Variants in TRABD2A observed in about 807,000 individuals in gnomAD.
The protein encoded by TRABD2A is TraB domain containing 2A, also known as metalloprotease TIKI1.
A neutral mutation model predicts 45.6 loss-of-function variants in TRABD2A; 43 were observed. The observed-to-expected ratio is 0.94, with a 90% CI of 0.74 to 1.22. The LOEUF is 1.22. Among genes scored for constraint, TRABD2A ranks in the 50% most tolerant of loss-of-function variants. TRABD2A has a pLI of 0.00. For missense variants in TRABD2A, 642 were observed against 652.4 expected, an observed-to-expected ratio of 0.98 and a Z score of 0.17; for synonymous variants, 269 against 265.0, an observed-to-expected ratio of 1.02 and a Z score of -0.15.
intron 2 of TRABD2A, among the ~76,000 whole-genome samples, chr2:84,855,549 A>T (rs1455270710): frequency 2.0e-5 from 3 of 152,028 alleles, no homozygotes; most frequent in African/African-American, 7.3e-5. Flanking sequence ...CTGCCTTCTG[A>T]ACGTTGTGCT....
At chr2:84,856,558 T>A (rs974873478) in intron 2 of TRABD2A, among the ~76,000 whole-genome samples, 3 of 152,120 alleles carry the variant, frequency 2.0e-5, no homozygotes, top group Non-Finnish European at 2.9e-5. Flanking sequence ...AAGGACGAGA[T>A]AAACTGATCT....
intron 2 of TRABD2A, among the ~76,000 whole-genome samples, chr2:84,867,154 A>G (rs1009987331): frequency 1.2e-4 from 14 of 113,732 alleles, no homozygotes; most frequent in Non-Finnish European, 2.5e-4. Flanking sequence ...AAGTTACATG[A>G]AAAAAAGACT....
chr2:84,876,199 T>G (rs2105414780), intron 1 of TRABD2A, among the ~76,000 whole-genome samples: 1 of 152,248 alleles, frequency 6.6e-6, no homozygotes, highest in East Asian at 1.9e-4. Flanking sequence ...GTCTGGAGCT[T>G]GGGAGAGGCC....
chr2:84,823,860 G>A lies in TRABD2A; in HGVS notation c.1334+93C>T, dbSNP rs1176304119. 9 of 1,521,074 alleles carry A rather than the reference G, an allele frequency of 5.9e-6. No individual in the cohort carries two copies. The South Asian group carries it at 7.4e-5, about 13-fold the overall frequency. 94.2% of individuals were successfully genotyped at this position (1,521,074 alleles called of 1,614,324 possible). On this transcript the variant is annotated intron_variant, in intron 6 of 6. Coordinates refer to ENST00000409520, the MANE Select transcript of TRABD2A (RefSeq NM_001277053.2). ...GAAAGGGAAAGGTTGCTCCATGAGG[G>A]GGGCTCCCATTGCAACCAGTGTGAG...
intron 1 of TRABD2A, among the ~76,000 whole-genome samples, chr2:84,879,012 G>C (rs1683119580): frequency 6.6e-6 from 1 of 152,128 alleles, no homozygotes; most frequent in Non-Finnish European, 1.5e-5. Context: ...ATAAAACTAA[G>C]ATATTTTCCT....
intron 1 of TRABD2A, among the ~76,000 whole-genome samples, chr2:84,878,260 C>A (rs993212061): frequency 6.6e-6 from 1 of 152,194 alleles, no homozygotes; most frequent in Non-Finnish European, 1.5e-5. Flanking sequence ...GACACGGTGG[C>A]TCACGCCTAT....
intron 2 of TRABD2A, among the ~76,000 whole-genome samples, chr2:84,866,955 G>A (rs1233546508): frequency 6.6e-6 from 1 of 152,006 alleles, no homozygotes; most frequent in Non-Finnish European, 1.5e-5. Flanking sequence ...CGTGGTGGCG[G>A]GTGCCTGTAA....
chr2:84,839,384 C>T, intron 3 of TRABD2A, 61 bp from the exon 4 acceptor site: 3 of 1,476,092 alleles, frequency 2.0e-6, no homozygotes, highest in Non-Finnish European at 2.7e-6. Flanking sequence ...AAAGTTACTT[C>T]ATTGGAGCAT....
chr2:84,863,768 C>T (rs1653563867), intron 2 of TRABD2A, among the ~76,000 whole-genome samples: 1 of 151,900 alleles, frequency 6.6e-6, no homozygotes, highest in South Asian at 2.1e-4. Context: ...CCCGCCACCA[C>T]ACCTGGCTAA....
Position 84,827,853 on chromosome 2 carries a change from T to C in TRABD2A, c.1083-3649A>G, listed in dbSNP as rs1211889845. On this transcript the variant is annotated intron_variant, in intron 5 of 6. Transcript: ENST00000409520. ...ATGGAAGGCTCCACAAGTCAAGGAA[T>C]GTGGGCAGCCTCTAGAAGCTGGGAA... 2.0e-5 allele frequency among the ~76,000 whole-genome samples: 3 copies of C among 152,298 alleles called. No individual in the cohort carries two copies. In the East Asian group the frequency reaches 5.8e-4, roughly 29 times the overall value.
intron 4 of TRABD2A, chr2:84,832,433 C>G (rs773819971): frequency 1.8e-5 from 7 of 395,672 alleles, no homozygotes; most frequent in Non-Finnish European, 2.8e-5. Flanking sequence ...CAAACTGCAA[C>G]CTGGTAAGAC....
Position 84,828,932 on chromosome 2 carries a change from G to A in TRABD2A, c.1082+3123C>T, listed in dbSNP as rs528984927. On this transcript the variant is annotated intron_variant, in intron 5 of 6. Coordinates refer to ENST00000409520, the MANE Select transcript of TRABD2A (RefSeq NM_001277053.2). ...CAGATTCTGATAGAGAGAACTGGGG[G>A]TAGTGTGGGTAGGGAAAGGATCTCT... is the stretch of plus-strand genomic sequence containing the variant. 1.3e-4 allele frequency among the ~76,000 whole-genome samples: 20 copies of A among 152,296 alleles called. No individual in the cohort carries two copies. The East Asian group carries it at 3.1e-3, about 24-fold the overall frequency.
At chr2:84,843,096 G>C (rs79524448) in intron 2 of TRABD2A, among the ~76,000 whole-genome samples, 35,576 of 151,276 alleles carry the variant, frequency 0.24, 4,241 homozygotes, top group Middle Eastern at 0.28. Flanking sequence ...CCCCCTACGA[G>C]GCTCCAGACA....
intron 5 of TRABD2A, among the ~76,000 whole-genome samples, chr2:84,831,542 A>C (rs1034578297): frequency 1.3e-5 from 2 of 151,798 alleles, no homozygotes; most frequent in Non-Finnish European, 2.9e-5. Flanking sequence ...CCAAAAAAAA[A>C]AAAGAGAGAG....
At chr2:84,845,536 G>A (rs1377676732) in intron 2 of TRABD2A, among the ~76,000 whole-genome samples, 1 of 150,674 alleles carries the variant, frequency 6.6e-6, no homozygotes, top group African/African-American at 2.5e-5. Context: ...AGGACCAGAA[G>A]GCCTGGGAAC....
intron 1 of TRABD2A, among the ~76,000 whole-genome samples, chr2:84,877,834 A>G (rs1421680613): frequency 6.6e-6 from 1 of 152,198 alleles, no homozygotes; most frequent in East Asian, 1.9e-4. Context: ...CACTTTTCCA[A>G]GATTACTCTT....
chr2:84,839,122 G>A (rs1029859100), intron 4 of TRABD2A, 27 bp downstream of exon 4: 5 of 1,610,858 alleles, frequency 3.1e-6, no homozygotes, highest in Non-Finnish European at 4.2e-6. Context: ...GATTTCAGAG[G>A]CTAATCAGAG....
intron 5 of TRABD2A, among the ~76,000 whole-genome samples, chr2:84,825,993 G>A (rs1180369096): frequency 6.6e-6 from 1 of 151,892 alleles, no homozygotes; most frequent in East Asian, 1.9e-4. Context: ...TACAAAATTA[G>A]TCCCTGGTGC....
chr2:84,873,518 A>G (rs534868587), intron 1 of TRABD2A, among the ~76,000 whole-genome samples: 91 of 152,346 alleles, frequency 6.0e-4, no homozygotes, highest in Non-Finnish European at 1.1e-3. Context: ...CCTCTTATGC[A>G]GTAATAAGGG....
Sources: gnomAD v4.1 joint callset for allele counts (sites outside exome capture counted in the v4.1 genomes callset) on GRCh38, gnomAD v4.1.1 for gene constraint, MANE v1.5 for transcripts, NCBI Gene and HGNC (gene_info 2026-07-23, HGNC 2026-07-21) for gene names.